SAMD14: variants seen among roughly 807,000 people sequenced by gnomAD.
The protein encoded by SAMD14 is sterile alpha motif domain containing 14.
Under a neutral mutation model 46.2 loss-of-function variants are expected in SAMD14, and 27 were observed. The observed-to-expected ratio is 0.58, with a 90% confidence interval of 0.43 to 0.81. SAMD14 has a LOEUF of 0.81. SAMD14 is among the 30% of genes least tolerant of loss of function. The pLI, the probability that SAMD14 is intolerant of heterozygous loss-of-function variation, is 0.00. For missense variants in SAMD14, 559 were observed against 582.2 expected, an observed-to-expected ratio of 0.96 and a Z score of 0.41; for synonymous variants, 241 against 254.3, an observed-to-expected ratio of 0.95 and a Z score of 0.50.
At chr17:50,118,003 G>A in intron 3 of SAMD14, 158 bp downstream of exon 3, 1 of 818,126 alleles carries the variant, frequency 1.2e-6, no homozygotes, top group Non-Finnish European at 1.9e-6. Context: ...AGGATTAAAT[G>A]AGCCAGAAGT....
chr17:50,126,656 G>A (rs936449041), intron 1 of SAMD14, among the ~76,000 whole-genome samples: 1 of 152,116 alleles, frequency 6.6e-6, no homozygotes, highest in Non-Finnish European at 1.5e-5. Context: ...CTTTACAGAT[G>A]TGAAAACTGA....
intron 2 of SAMD14, among the ~76,000 whole-genome samples, chr17:50,119,150 C>G (rs1172738262): frequency 6.6e-6 from 1 of 152,196 alleles, no homozygotes. Flanking sequence ...CCATAGTCCC[C>G]GAAACCTCTC....
Position 50,117,660 on chromosome 17 carries a change from C to A in SAMD14, c.246G>T (p.Leu82=). 1 of 1,542,744 alleles carries A rather than the reference C, an allele frequency of 6.5e-7. No individual in the cohort carries two copies. Among genetic ancestry groups the A allele is most frequent in the Non-Finnish European group, 8.7e-7 (1 of 1,155,568 alleles). ...CCGGGCCTGAGTGCAAAGGCGAGCG[C>A]AGCCGGTGCAGGGGGCTCCCGCAGC... ...TDGCGSPLHR[L]RSPLHSGPGS... is the part of the protein sequence containing the mutation. Residue 82 remains leucine (L), a synonymous_variant, in exon 4 of 10, where the codon CTG becomes CTT. Coordinates refer to ENST00000330175, the MANE Select transcript of SAMD14 (RefSeq NM_001257359.2).
chr17:50,128,510 A>ACC (rs1567724329), intron 1 of SAMD14, among the ~76,000 whole-genome samples: 1 of 148,614 alleles, frequency 6.7e-6, no homozygotes, highest in Non-Finnish European at 1.5e-5. Context: ...ACACACACAC[A>ACC]CACCCCCATT....
chr17:50,116,713 G>C (rs1911227359), intron 4 of SAMD14, among the ~76,000 whole-genome samples: 1 of 151,826 alleles, frequency 6.6e-6, no homozygotes, highest in African/African-American at 2.4e-5. Context: ...GGCCTATCCT[G>C]GCCAACATCT....
chr17:50,129,271 C>A lies in SAMD14; in HGVS notation c.-13+246G>T, dbSNP rs1420658407. Among the ~76,000 whole-genome samples, 2 of 152,164 alleles carry A rather than the reference C, an allele frequency of 1.3e-5. No homozygotes were observed. The highest frequency in any genetic ancestry group is 3.9e-4 in the East Asian group (2 of 5,188). The stretch of plus-strand genomic sequence containing the variant: ...GAAAGAGTTAAGCCCTCTCCCCCTC[C>A]CCCCACACCAGCTTTTTATTAATTT... On this transcript the variant is annotated intron_variant, in intron 1 of 9. Coordinates refer to ENST00000330175, the MANE Select transcript of SAMD14 (RefSeq NM_001257359.2). The surrounding 1 kb of genome is among the most constrained non-coding windows in gnomAD (Gnocchi z 5.6).
chr17:50,111,928 AC>A lies in SAMD14; in HGVS notation c.*964del, dbSNP rs1910870836. The A allele has an allele frequency of 6.7e-6, 1 of 150,272 alleles. No homozygotes were observed. Among genetic ancestry groups the A allele is most frequent in the Non-Finnish European group, 1.5e-5 (1 of 67,652 alleles). 9.3% of individuals were successfully genotyped at this position (150,272 alleles called of 1,614,324 possible). A position where few individuals can be genotyped will look rare whatever the true frequency, so the allele number is the denominator to read the frequency against. ...GGGGCAGATGGGGGAGGGCTGATGA[AC>A]CTTTCCAATCTCGTAGCTGCCGGGG... On this transcript the variant is annotated 3_prime_UTR_variant, in exon 10 of 10. Transcript: ENST00000330175.
At chr17:50,124,771 G>GCGCACACACACACA (rs71353620) in intron 2 of SAMD14, 146 bp downstream of exon 2, 200 of 569,654 alleles carry the variant, frequency 3.5e-4, no homozygotes, top group East Asian at 3.3e-3. Context: ...ACGCGCGCGC[G>GCGCACACACACACA]CACACACACA....
At chr17:50,113,893 G>C (rs769916011) in intron 9 of SAMD14, 31 bp downstream of exon 9, 1 of 1,613,052 alleles carries the variant, frequency 6.2e-7, no homozygotes, top group South Asian at 1.1e-5. Context: ...AAGTAACTGG[G>C]CTGGGTCATG....
chr17:50,124,047 T>C, intron 2 of SAMD14: 1 of 455,834 alleles, frequency 2.2e-6, no homozygotes, highest in South Asian at 1.5e-5. Context: ...GGGGACCCTC[T>C]GGCATAGGAG....
At chr17:50,117,726 C>T in intron 3 of SAMD14, 31 bp from the exon 4 acceptor site, 3 of 1,407,288 alleles carry the variant, frequency 2.1e-6, no homozygotes, top group South Asian at 3.2e-5. Flanking sequence ...TCACCGAGAA[C>T]CCTCCTCCTC....
chr17:50,113,077 A>G, intron 9 of SAMD14, 29 bp from the exon 10 acceptor site: 1 of 1,607,522 alleles, frequency 6.2e-7, no homozygotes, highest in Non-Finnish European at 8.5e-7. Flanking sequence ...TGAGGGAGAG[A>G]GTCCCAGAAC....
At chr17:50,127,100 CA>C (rs11336635) in intron 1 of SAMD14, among the ~76,000 whole-genome samples, 76,268 of 137,180 alleles carry the variant, frequency 0.56, 19,944 homozygotes, top group Admixed American at 0.64. Flanking sequence ...GACTCCATCT[CA>C]AAAAAAAAAA....
intron 4 of SAMD14, chr17:50,116,399 ACTT>A (rs1271053060): frequency 3.2e-5 from 6 of 190,226 alleles, no homozygotes; most frequent in Non-Finnish European, 6.0e-5. Flanking sequence ...ATCCTGGCCA[ACTT>A]TTTTTTTTTT....
Position 50,110,487 on chromosome 17 carries a change from T to G in SAMD14, c.*2406A>C. On this transcript the variant is annotated 3_prime_UTR_variant, in exon 10 of 10. Transcript: ENST00000330175. ...TCCAAGTGGATGTCCCGTTGCCTTA[T>G]TCCCCCAGCCCACAAAGGCACCCTG... 6.3e-6 allele frequency: 1 copy of G among 158,818 alleles called. No individual in the cohort carries two copies. The highest frequency in any genetic ancestry group is 1.4e-5 in the Non-Finnish European group (1 of 72,468). 9.8% of individuals were successfully genotyped at this position (158,818 alleles called of 1,614,324 possible).
intron 1 of SAMD14, among the ~76,000 whole-genome samples, chr17:50,125,975 A>G (rs1009341495): frequency 6.6e-6 from 1 of 152,152 alleles, no homozygotes; most frequent in Non-Finnish European, 1.5e-5. Context: ...AAGGATATAT[A>G]TAGCTGAAAC....
chr17:50,118,059 G>C, intron 3 of SAMD14, 102 bp downstream of exon 3: 2 of 1,285,928 alleles, frequency 1.6e-6, no homozygotes, highest in Non-Finnish European at 1.1e-6. Flanking sequence ...AGGAGTCTGG[G>C]GATGTGGTTT....
chr17:50,117,644 A>C lies in SAMD14; in HGVS notation c.262T>G (p.Ser88Ala). Residue 88 changes from serine to alanine, a missense_variant, in exon 4 of 10, where the codon TCA becomes GCA. Physicochemically the swap from Ser to Ala is moderately conservative, Grantham distance 99 (BLOSUM62 1). Transcript: ENST00000330175. ...PLHRLRSPLH[S>A]GPGSPAGGSF... ...CCCCCGGCCGGGGACCCCGGGCCTGAGTGCAAAGGCGAGCGCAGCCGGTGC... is the reference window on the plus strand; with the variant it reads ...CCCCCGGCCGGGGACCCCGGGCCTGCGTGCAAAGGCGAGCGCAGCCGGTGC... The C allele has an allele frequency of 1.9e-6, 3 of 1,556,156 alleles. No homozygotes were observed. The highest frequency in any genetic ancestry group is 2.6e-6 in the Non-Finnish European group (3 of 1,161,534).
rs1911909227 is a variant in SAMD14 at position 50,129,008 on chromosome 17, G to A, written c.-13+509C>T. 6.6e-6 allele frequency among the ~76,000 whole-genome samples: 1 copy of A among 152,228 alleles called. No homozygotes were observed. Among genetic ancestry groups the A allele is most frequent in the Non-Finnish European group, 1.5e-5 (1 of 68,030 alleles). On this transcript the variant is annotated intron_variant, in intron 1 of 9. Coordinates refer to ENST00000330175, the MANE Select transcript of SAMD14 (RefSeq NM_001257359.2). The surrounding 1 kb of genome is among the most constrained non-coding windows in gnomAD (Gnocchi z 5.6). Reference sequence around the variant, plus strand: ...AAGAGGTGGATGGGAAAGGAGACTAGCGGTCGGGGAGGCAGTTGTGGAGCC... The same window carrying A: ...AAGAGGTGGATGGGAAAGGAGACTAACGGTCGGGGAGGCAGTTGTGGAGCC...
Sources: gnomAD v4.1 joint callset for allele counts (sites outside exome capture counted in the v4.1 genomes callset) on GRCh38, gnomAD v4.1.1 for gene constraint, Gnocchi (gnomAD v3.1) non-coding constraint, MANE v1.5 for transcripts, NCBI Gene and HGNC (gene_info 2026-07-23, HGNC 2026-07-21) for gene names.